The following MINK1 variants were observed in gnomAD, a reference collection of about 807,000 sequenced individuals.
The protein encoded by MINK1 is misshapen like kinase 1.
In MINK1, 46 loss-of-function variants were observed where a neutral mutation model predicts 178.4. The observed-to-expected ratio is 0.26, with a 90% confidence interval of 0.20 to 0.33. The LOEUF is 0.33. MINK1 is among the 10% of genes least tolerant of loss of function. The pLI is 1.00. For synonymous variants in MINK1, 797 were observed against 709.7 expected (o/e 1.12, Z -1.96); for missense variants, 1,366 against 1,814.9 (o/e 0.75, Z 4.49).
At chr17:4,879,651 A>G (rs774792484) in intron 2 of MINK1, among the ~76,000 whole-genome samples, 43 of 152,202 alleles carry the variant, frequency 2.8e-4, no homozygotes, top group Admixed American at 1.0e-3. Context: ...GCCTTTGGGC[A>G]TTCCTCTCCA....
chr17:4,892,287 G>T, intron 17 of MINK1, 53 bp downstream of exon 17: 1 of 1,516,848 alleles, frequency 6.6e-7, no homozygotes, highest in Non-Finnish European at 8.9e-7. Context: ...AGCCTAGGGA[G>T]TAGGGGGGGC....
chr17:4,837,902 G>A (rs1403562695), intron 1 of MINK1, among the ~76,000 whole-genome samples: 2 of 152,192 alleles, frequency 1.3e-5, no homozygotes, highest in Admixed American at 1.3e-4. Flanking sequence ...TTGTGTTGTT[G>A]TGTCTGTTCT....
At chr17:4,849,806 C>T (rs1327061098) in intron 1 of MINK1, among the ~76,000 whole-genome samples, 1 of 152,134 alleles carries the variant, frequency 6.6e-6, no homozygotes, top group Non-Finnish European at 1.5e-5. Context: ...CTCCCGGCCT[C>T]AGGTGGTCCG....
intron 16 of MINK1, among the ~76,000 whole-genome samples, 167 bp downstream of exon 16, chr17:4,891,883 A>G (rs1362085711): frequency 6.6e-6 from 1 of 152,176 alleles, no homozygotes; most frequent in Non-Finnish European, 1.5e-5. Context: ...CGCGACGTGG[A>G]GGGGTGGCAT....
intron 1 of MINK1, among the ~76,000 whole-genome samples, chr17:4,859,910 C>G (rs1567575435): frequency 6.6e-6 from 1 of 150,552 alleles, no homozygotes; most frequent in Non-Finnish European, 1.5e-5. Flanking sequence ...ACATGCAAAA[C>G]CAACACCGTA....
intron 13 of MINK1, 24 bp from the exon 14 acceptor site, chr17:4,890,493 C>G: frequency 6.4e-7 from 1 of 1,567,856 alleles, no homozygotes; most frequent in East Asian, 2.4e-5. Flanking sequence ...CTGCTGAGCC[C>G]TCTCTCCCTA....
In MINK1 at chr17:4,886,116, C is replaced by A; in HGVS notation, c.695-4C>A. On this transcript the variant is annotated splice_polypyrimidine_tract_variant and splice_region_variant and intron_variant, in intron 8 of 31. Transcript: ENST00000355280. This position sits in a 1 kb window ranked among gnomAD's most constrained non-coding sequence, Gnocchi z 6.1. ...GGGACTGAGGGTGTCTCCTCTGTGTCCAGCTCTGTGTGACATGCACCCCAT... is the reference window on the plus strand; with the variant it reads ...GGGACTGAGGGTGTCTCCTCTGTGTACAGCTCTGTGTGACATGCACCCCAT... The A allele has an allele frequency of 6.2e-7, 1 of 1,613,864 alleles. No individual in the cohort carries two copies. Among genetic ancestry groups the A allele is most frequent in the South Asian group, 1.1e-5 (1 of 91,084 alleles).
At chr17:4,850,507 C>T (rs903983832) in intron 1 of MINK1, among the ~76,000 whole-genome samples, 7 of 131,360 alleles carry the variant, frequency 5.3e-5, no homozygotes, top group Admixed American at 5.1e-4. Flanking sequence ...GTCCTTCCTC[C>T]CCTTCCTGCT....
chr17:4,886,614 C>T lies in MINK1; in HGVS notation c.937C>T (p.Arg313Trp), dbSNP rs1353147777. ...KDHIDRSRKK[R>W]GEKEETEYEY... ...CCACATTGACCGATCCCGGAAGAAG[C>T]GGGGTGAGAAAGGTCAGTGGGCAGG... The change falls in exon 10 of 32, where the codon CGG (arginine) becomes TGG (tryptophan). Residue 313 changes from arginine (R) to tryptophan (W), a missense_variant. By Grantham distance (101) the Arg-to-Trp change is moderately radical (BLOSUM62 -3). Transcript: ENST00000355280. The surrounding 1 kb of genome is among the most constrained non-coding windows in gnomAD (Gnocchi z 6.1). 3.1e-6 allele frequency: 5 copies of T among 1,594,756 alleles called. No homozygotes were observed. Among genetic ancestry groups the T allele is most frequent in the Non-Finnish European group, 4.3e-6 (5 of 1,169,606 alleles).
Position 4,897,418 on chromosome 17 carries a change from G to A in MINK1, c.*131G>A. 1.3e-6 allele frequency: 1 copy of A among 765,636 alleles called. No homozygotes were observed. Among genetic ancestry groups the A allele is most frequent in the Non-Finnish European group, 2.1e-6 (1 of 465,576 alleles). The allele number at this position is 765,636 out of a possible 1,614,324, so 47.4% of individuals were successfully genotyped here. Reference sequence around the variant, plus strand: ...GTTTGATTTCACTGGAGCCTGCTGGGAACGTGACCTCTGACCCCTGATGCT... The same window carrying A: ...GTTTGATTTCACTGGAGCCTGCTGGAAACGTGACCTCTGACCCCTGATGCT... On this transcript the variant is annotated 3_prime_UTR_variant, in exon 32 of 32. Transcript: ENST00000355280.
rs192808639 is a variant in MINK1, at chr17:4,894,639, G to A, written c.2917+6G>A. Reference sequence around the variant, plus strand: ...GGACAGCATCCCCATCACAGGTGAGGACAGGAGGACAGACCTGCTGTGAGG... The same window carrying A: ...GGACAGCATCCCCATCACAGGTGAGAACAGGAGGACAGACCTGCTGTGAGG... On this transcript the variant is annotated splice_donor_region_variant and intron_variant, in intron 24 of 31. Coordinates refer to ENST00000355280, the MANE Select transcript of MINK1 (RefSeq NM_153827.5). The surrounding 1 kb of genome is among the most constrained non-coding windows in gnomAD (Gnocchi z 4.1). 39 of 1,588,902 alleles carry A rather than the reference G, an allele frequency of 2.5e-5. No individual in the cohort carries two copies. The East Asian group carries it at 8.2e-4, about 33-fold the overall frequency.
At chr17:4,891,200 G>GTA in intron 15 of MINK1, 76 bp downstream of exon 15, 1 of 1,003,382 alleles carries the variant, frequency 1.0e-6, no homozygotes, top group South Asian at 1.8e-5. Flanking sequence ...ACACACGCGC[G>GTA]CACACACACA....
At chr17:4,867,106 A>AT (rs1313325894) in intron 1 of MINK1, among the ~76,000 whole-genome samples, 3 of 143,816 alleles carry the variant, frequency 2.1e-5, no homozygotes, top group Non-Finnish European at 4.5e-5. Context: ...AATAATAATA[A>AT]ACTGCACACT....
At chr17:4,861,644 G>A (rs929658510) in intron 1 of MINK1, 8 of 285,346 alleles carry the variant, frequency 2.8e-5, no homozygotes, top group African/African-American at 1.8e-4. Flanking sequence ...GAGATTACAG[G>A]CACGTGCCAC....
At position 4,887,302 on chromosome 17, in the gene MINK1, G is replaced by A; in HGVS notation, c.1019+123G>A. The A allele has an allele frequency of 9.7e-7, 1 of 1,035,004 alleles. No individual in the cohort carries two copies. The highest frequency in any genetic ancestry group is 1.4e-6 in the Non-Finnish European group (1 of 696,738). 64.1% of individuals were successfully genotyped at this position (1,035,004 alleles called of 1,614,324 possible). ...GGGCACAGAGAGGTAGAGACTCCTGGAAACCAAATTTCTGAGTGCTAAGAA... is the reference window on the plus strand; with the variant it reads ...GGGCACAGAGAGGTAGAGACTCCTGAAAACCAAATTTCTGAGTGCTAAGAA... On this transcript the variant is annotated intron_variant, in intron 11 of 31. Coordinates refer to ENST00000355280, the MANE Select transcript of MINK1 (RefSeq NM_153827.5). This position sits in a 1 kb window ranked among gnomAD's most constrained non-coding sequence, Gnocchi z 7.6.
rs543660761 is a variant in MINK1, at chr17:4,887,822, G to A, written c.1230+32G>A. ...TGTCTCCGAAGGGCCCAGGCCTGGC[G>A]CGGCCTCCTCCTGACCTGCCCCGGG... On this transcript the variant is annotated intron_variant, in intron 12 of 31. Transcript: ENST00000355280. The surrounding 1 kb of genome is among the most constrained non-coding windows in gnomAD (Gnocchi z 7.6). 3.2e-4 allele frequency: 462 copies of A among 1,452,110 alleles called. 3 individuals carry two copies. The East Asian group carries it at 7.3e-3, about 23-fold the overall frequency. 90.0% of individuals were successfully genotyped at this position (1,452,110 alleles called of 1,614,324 possible). A position where few individuals can be genotyped will look rare whatever the true frequency, so the allele number is the denominator to read the frequency against.
At chr17:4,873,493 T>C (rs1377045706) in intron 1 of MINK1, among the ~76,000 whole-genome samples, 2 of 131,224 alleles carry the variant, frequency 1.5e-5, no homozygotes, top group African/African-American at 2.9e-5. Context: ...ACCCAGCCTG[T>C]TCTCCCACAG....
chr17:4,878,046 G>A (rs111363165), intron 1 of MINK1, among the ~76,000 whole-genome samples: 105 of 152,112 alleles, frequency 6.9e-4, no homozygotes, highest in Admixed American at 2.8e-3. Context: ...TCCTGACCTC[G>A]TGATCCACCT....
intron 1 of MINK1, among the ~76,000 whole-genome samples, chr17:4,869,301 C>A (rs1715401417): frequency 6.7e-6 from 1 of 150,096 alleles, no homozygotes; most frequent in South Asian, 2.1e-4. Flanking sequence ...TTTGAGACAG[C>A]GTTTCACTCC....
Sources: gnomAD v4.1 joint callset for allele counts (sites outside exome capture counted in the v4.1 genomes callset) on GRCh38, gnomAD v4.1.1 for gene constraint, Gnocchi (gnomAD v3.1) non-coding constraint, MANE v1.5 for transcripts, NCBI Gene and HGNC (gene_info 2026-07-23, HGNC 2026-07-21) for gene names.